The following RNF212B variants were observed in gnomAD, a reference collection of about 807,000 sequenced individuals.
RNF212B encodes the protein ring finger protein 212B.
In RNF212B, 52 loss-of-function variants were observed where a neutral mutation model predicts 55.5. The observed-to-expected ratio is 0.94, with a 90% CI of 0.75 to 1.18. The LOEUF (loss-of-function observed/expected upper bound fraction) is 1.18, where lower values mean the gene tolerates loss of function less well. Among genes scored for constraint, RNF212B ranks in the 50% most tolerant of loss-of-function variants. The probability of loss-of-function intolerance (pLI) is 0.00; values close to 1 mark genes in which losing one functional copy is unlikely to be tolerated. For synonymous variants in RNF212B, 99 were observed against 121.4 expected, an observed-to-expected ratio of 0.82 and a Z score of 1.21; for missense variants, 289 against 350.4, an observed-to-expected ratio of 0.82 and a Z score of 1.40.
chr14:23,255,554 T>G (rs12147242), intron 4 of RNF212B, among the ~76,000 whole-genome samples: 26,493 of 152,164 alleles, frequency 0.17, 3,422 homozygotes, highest in African/African-American at 0.37. Flanking sequence ...TAGAACTACT[T>G]TTATTATTAT....
At chr14:23,192,044 T>C (rs1594854459) in intron 1 of RNF212B, among the ~76,000 whole-genome samples, 1 of 151,900 alleles carries the variant, frequency 6.6e-6, no homozygotes, top group African/African-American at 2.4e-5. Context: ...CAACAGGTGC[T>C]GGAGAGGATG....
intron 2 of RNF212B, among the ~76,000 whole-genome samples, chr14:23,203,185 G>A (rs1406566628): frequency 1.3e-5 from 2 of 150,818 alleles, no homozygotes; most frequent in African/African-American, 2.4e-5. Context: ...TCATTCTTAT[G>A]CCTGTGTATC....
At chr14:23,243,166 A>G in intron 2 of RNF212B, 90 bp from the exon 3 acceptor site, 1 of 862,418 alleles carries the variant, frequency 1.2e-6, no homozygotes, top group Non-Finnish European at 1.8e-6. Context: ...TTCCTTTGCT[A>G]GCATACTAGA....
intron 2 of RNF212B, among the ~76,000 whole-genome samples, chr14:23,228,873 T>A (rs1337245479): frequency 2.0e-5 from 3 of 152,070 alleles, no homozygotes; most frequent in African/African-American, 7.2e-5. Flanking sequence ...GTAAAATATA[T>A]AACATAAAAT....
chr14:23,187,846 G>A (rs527616872), intron 1 of RNF212B, among the ~76,000 whole-genome samples: 3 of 152,072 alleles, frequency 2.0e-5, no homozygotes, highest in Non-Finnish European at 4.4e-5. Context: ...GCCTATGGTC[G>A]ATTAGATGGG....
intron 11 of RNF212B, among the ~76,000 whole-genome samples, chr14:23,266,404 G>GTT (rs57731750): frequency 0.064 from 2,944 of 46,234 alleles, 209 homozygotes; most frequent in African/African-American, 0.11. Flanking sequence ...CCTTTTAAAT[G>GTT]TTTTTTTTTT....
intron 4 of RNF212B, 36 bp from the exon 5 acceptor site, chr14:23,258,512 TG>T: frequency 1.0e-6 from 1 of 997,666 alleles, no homozygotes; most frequent in Non-Finnish European, 1.5e-6. Context: ...AAAGGAGTTA[TG>T]GGAGAGTATG....
chr14:23,202,617 C>T lies in RNF212B; in HGVS notation c.-2+9216C>T, dbSNP rs138629773. Among the ~76,000 whole-genome samples, 577 of 152,190 alleles carry T rather than the reference C, an allele frequency of 3.8e-3. 9 individuals carry two copies. The highest frequency in any genetic ancestry group is 0.012 in the African/African-American group (516 of 41,520). ...CTGTAATCCCAGCACTTCGGGAGGC[C>T]GAGGCGGGTGGATCACGAGGTCAGG... On this transcript the variant is annotated intron_variant, in intron 2 of 15. Transcript: ENST00000399910.
chr14:23,233,492 G>T (rs1882869836), upstream of RNF212B, among the ~76,000 whole-genome samples: 1 of 147,912 alleles, frequency 6.8e-6, no homozygotes, highest in African/African-American at 2.5e-5. Flanking sequence ...TTAGGAGGCT[G>T]AGGTGGGAGG....
chr14:23,194,963 A>G (rs1371297451), intron 2 of RNF212B, among the ~76,000 whole-genome samples: 3 of 152,162 alleles, frequency 2.0e-5, no homozygotes, highest in Non-Finnish European at 4.4e-5. Flanking sequence ...AAGATGTGAA[A>G]TCATACAGCA....
At chr14:23,248,496 C>G (rs1482696247) in intron 4 of RNF212B, among the ~76,000 whole-genome samples, 1 of 137,992 alleles carries the variant, frequency 7.2e-6, no homozygotes, top group Admixed American at 7.8e-5. Context: ...GACTGGAGTG[C>G]AGTGGCACGA....
rs1283005228 is a variant in RNF212B, at chr14:23,196,798, C to A, written c.-2+3397C>A. Among the ~76,000 whole-genome samples, 14 of 152,264 alleles carry A rather than the reference C, an allele frequency of 9.2e-5. No homozygotes were observed. The East Asian group carries it at 2.7e-3, about 29-fold the overall frequency. On this transcript the variant is annotated intron_variant, in intron 2 of 15. Coordinates refer to the RNF212B transcript ENST00000399910. ...CTTCTGCCTAGAGGCTTCTCTTCGC[C>A]CTTAGCCTAGTTCACTGCTATTCAT...
intron 14 of RNF212B, chr14:23,272,525 C>CTGGTAGTCATCTCTGGGTG: frequency 2.6e-6 from 1 of 384,450 alleles, no homozygotes; most frequent in Non-Finnish European, 4.8e-6. Context: ...CTCTGCCTCC[C>CTGGTAGTCATCTCTGGGTG]TGGTAGTCAT....
rs76361569 is a variant in RNF212B, at chr14:23,245,258, G to A, written c.228+862G>A. On this transcript the variant is annotated intron_variant, in intron 4 of 14. Transcript: ENST00000430154. ...GCCTCTCAATCCTCACTCTAGAGAT[G>A]GAGTAAGGGGAATTAAGGCTTGCTG... Among the ~76,000 whole-genome samples the A allele has an allele frequency of 7.1e-3, 1,084 of 152,206 alleles. 16 individuals carry two copies. Among genetic ancestry groups the A allele is most frequent in the African/African-American group, 0.025 (1,035 of 41,518 alleles).
intron 2 of RNF212B, among the ~76,000 whole-genome samples, chr14:23,200,541 G>C (rs1287586754): frequency 2.0e-5 from 3 of 152,074 alleles, no homozygotes; most frequent in African/African-American, 4.8e-5. Context: ...GGCCAGGCTG[G>C]TCTCGAACTC....
chr14:23,239,128 A>T (rs527986891), intron 1 of RNF212B, among the ~76,000 whole-genome samples: 8 of 151,900 alleles, frequency 5.3e-5, no homozygotes, highest in African/African-American at 1.7e-4. Flanking sequence ...CAGTGGCACG[A>T]TCTTGGCTCA....
rs184252833 is a variant in RNF212B at position 23,270,749 on chromosome 14, A to G, written c.834+88A>G. ...AAATGCCTCAGGGTAGTGGAATATA[A>G]CCAGTGAAGAACGACATGGGTTTCA... On this transcript the variant is annotated intron_variant, in intron 14 of 14. Transcript: ENST00000430154. The G allele has an allele frequency of 1.9e-5, 16 of 844,884 alleles. No homozygotes were observed. The East Asian group carries it at 4.3e-4, about 23-fold the overall frequency. The allele number at this position is 844,884 out of a possible 1,614,324, so 52.3% of individuals were successfully genotyped here.
intron 11 of RNF212B, among the ~76,000 whole-genome samples, chr14:23,267,331 CT>C (rs1885778482): frequency 6.6e-6 from 1 of 151,978 alleles, no homozygotes; most frequent in South Asian, 2.1e-4. Context: ...TCAGTTTTTG[CT>C]TCATGTATTT....
intron 2 of RNF212B, among the ~76,000 whole-genome samples, chr14:23,198,581 C>T (rs556244322): frequency 6.6e-5 from 10 of 151,640 alleles, no homozygotes; most frequent in African/African-American, 9.7e-5. Context: ...GAAGCTGAAG[C>T]GGGAGAATCA....
Sources: gnomAD v4.1 joint callset for allele counts (sites outside exome capture counted in the v4.1 genomes callset) on GRCh38, gnomAD v4.1.1 for gene constraint, MANE v1.5 for transcripts, NCBI Gene and HGNC (gene_info 2026-07-23, HGNC 2026-07-21) for gene names.